The following GNAI1 variants were observed in gnomAD, a reference collection of about 807,000 sequenced individuals.
The protein encoded by GNAI1 is guanine nucleotide-binding protein G(i) subunit alpha-1.
GNAI1 carries 11 observed loss-of-function variants against 38.9 expected under a neutral mutation model. That is an observed-to-expected ratio of 0.28 (90% CI 0.18 to 0.47). The LOEUF is 0.47. Among genes scored for constraint, GNAI1 ranks in the 20% least tolerant of loss-of-function variants. GNAI1 has a pLI of 0.99. For missense variants in GNAI1, 317 were observed against 436.9 expected (o/e 0.73, Z 2.45); for synonymous variants, 166 against 145.1 (o/e 1.14, Z -1.04).
At chr7:80,179,246 T>C (rs781134159) in intron 1 of GNAI1, among the ~76,000 whole-genome samples, 2 of 152,220 alleles carry the variant, frequency 1.3e-5, no homozygotes, top group Non-Finnish European at 2.9e-5. Flanking sequence ...TTCTTCTTAG[T>C]GGCTCTCCAT....
intron 1 of GNAI1, among the ~76,000 whole-genome samples, chr7:80,153,189 C>T (rs1787758333): frequency 6.6e-6 from 1 of 152,060 alleles, no homozygotes; most frequent in Admixed American, 6.5e-5. Flanking sequence ...TCCAAGAGGG[C>T]AGTTAAATTA....
chr7:80,187,212 TGTG>T (rs1788402007), intron 1 of GNAI1: 1 of 127,960 alleles, frequency 7.8e-6, no homozygotes, highest in African/African-American at 4.4e-5. Flanking sequence ...TGTGTCTTTG[TGTG>T]TGTGTGTGTG....
chr7:80,156,042 C>CAAA (rs1182960135), intron 1 of GNAI1, among the ~76,000 whole-genome samples: 8,508 of 68,158 alleles, frequency 0.12, 447 homozygotes, highest in Non-Finnish European at 0.14. Flanking sequence ...GACTCTGTCT[C>CAAA]AAAAAAAAAA....
chr7:80,189,667 A>G (rs1788447042), intron 3 of GNAI1, among the ~76,000 whole-genome samples: 2 of 152,244 alleles, frequency 1.3e-5, no homozygotes, highest in Admixed American at 6.5e-5. Context: ...TGAAAACAGT[A>G]TAAAAGTTTG....
chr7:80,170,625 G>T (rs1028353007), intron 1 of GNAI1, among the ~76,000 whole-genome samples: 3 of 152,182 alleles, frequency 2.0e-5, no homozygotes, highest in African/African-American at 7.2e-5. Flanking sequence ...GGGGAAGCAG[G>T]TATGTCTTGC....
chr7:80,179,038 A>G (rs2115594011), intron 1 of GNAI1, among the ~76,000 whole-genome samples: 1 of 152,364 alleles, frequency 6.6e-6, no homozygotes, highest in East Asian at 1.9e-4. Context: ...AGGAATAGAT[A>G]TGAGAATCCA....
Position 80,200,324 on chromosome 7 carries a change from CAAAAAAA to C in GNAI1, c.461+959_461+965del, listed in dbSNP as rs59511755. Among the ~76,000 whole-genome samples the C allele has an allele frequency of 8.2e-4, 33 of 40,370 alleles. 1 individual carries two copies. The highest frequency in any genetic ancestry group is 4.8e-3 in the African/African-American group (29 of 6,040). 26.5% of individuals were successfully genotyped at this position (40,370 alleles called of 152,430 possible). A position where few individuals can be genotyped will look rare whatever the true frequency, so the allele number is the denominator to read the frequency against. ...CTGGAGATGGAGTGAGGCCATGTCT[CAAAAAAA>C]AAAAAAAAAAAAAAAACCTAATCAG... On this transcript the variant is annotated intron_variant, in intron 4 of 7. Coordinates refer to ENST00000649796, the MANE Select transcript of GNAI1 (RefSeq NM_002069.6).
rs144982336 is a variant in GNAI1, at chr7:80,201,072, C to T, written c.461+1690C>T. Among the ~76,000 whole-genome samples, 9 of 152,248 alleles carry T rather than the reference C, an allele frequency of 5.9e-5. No individual in the cohort carries two copies. The East Asian group carries it at 1.5e-3, about 26-fold the overall frequency. The stretch of plus-strand genomic sequence containing the variant: ...TTACCTAATATTGTATTCCCATAGC[C>T]TGACACAGTCATCACCCAATATGAT... On this transcript the variant is annotated intron_variant, in intron 4 of 7. Transcript: ENST00000649796.
In GNAI1 at chr7:80,185,703, G is replaced by A. The variant is rs138109301; in HGVS notation, c.119-3248G>A. 5.0e-3 allele frequency among the ~76,000 whole-genome samples: 758 copies of A among 152,246 alleles called. 3 individuals carry two copies. The highest frequency in any genetic ancestry group is 7.2e-3 in the Non-Finnish European group (489 of 68,020). The stretch of plus-strand genomic sequence containing the variant: ...TGACTTGGCATGCACATCAGGCAAC[G>A]ATGTGCAGCGTTACACTCCCAGCCT... On this transcript the variant is annotated intron_variant, in intron 1 of 7. Transcript: ENST00000649796.
chr7:80,199,990 C>A (rs187298356), intron 4 of GNAI1, among the ~76,000 whole-genome samples: 112 of 152,042 alleles, frequency 7.4e-4, no homozygotes, highest in African/African-American at 2.6e-3. Context: ...GTGGTGGCCC[C>A]AGAAAGTTTG....
At position 80,186,023 on chromosome 7, in the gene GNAI1, C is replaced by CTTT. The variant is rs533371119; in HGVS notation, c.119-2903_119-2901dup. Among the ~76,000 whole-genome samples, 50 of 103,494 alleles carry CTTT rather than the reference C, an allele frequency of 4.8e-4. 6 individuals carry two copies. The highest frequency in any genetic ancestry group is 1.4e-3 in the East Asian group (5 of 3,550). 67.9% of individuals were successfully genotyped at this position (103,494 alleles called of 152,430 possible). A position where few individuals can be genotyped will look rare whatever the true frequency, so the allele number is the denominator to read the frequency against. On this transcript the variant is annotated intron_variant, in intron 1 of 7. Transcript: ENST00000649796. The stretch of plus-strand genomic sequence containing the variant: ...AGTTAATAAGACTGCCATCCGCACT[C>CTTT]TTTTTTTTTTTTTTTTTTTTTTTTT...
At chr7:80,202,744 T>C (rs1788711097) in intron 4 of GNAI1, among the ~76,000 whole-genome samples, 1 of 152,228 alleles carries the variant, frequency 6.6e-6, no homozygotes, top group African/African-American at 2.4e-5. Context: ...ATAAAAACAC[T>C]GCGGTGATGG....
At position 80,217,455 on chromosome 7, in the gene GNAI1, A is replaced by G. The variant is rs771135868; in HGVS notation, c.1027A>G (p.Ile343Val). 4 of 1,603,112 alleles carry G rather than the reference A, an allele frequency of 2.5e-6. No homozygotes were observed. Among genetic ancestry groups the G allele is most frequent in the Non-Finnish European group, 8.5e-7 (1 of 1,176,398 alleles). ...TGTTTTTGATGCTGTAACAGATGTC[A>G]TCATAAAAAATAATCTAAAAGATTG... is the stretch of plus-strand genomic sequence containing the variant. ...QFVFDAVTDV[I>V]IKNNLKDCGL... The change falls in exon 8 of 8, where the codon ATC becomes GTC. Residue 343 changes from isoleucine to valine, a missense_variant. Coordinates refer to ENST00000649796, the MANE Select transcript of GNAI1 (RefSeq NM_002069.6).
chr7:80,204,620 C>T (rs997541743), intron 5 of GNAI1, among the ~76,000 whole-genome samples: 2 of 152,250 alleles, frequency 1.3e-5, no homozygotes, highest in Non-Finnish European at 2.9e-5. Flanking sequence ...ATACAGCCTT[C>T]CTGGTCAGTT....
At chr7:80,135,708 T>G in intron 1 of GNAI1, 2 of 484,816 alleles carry the variant, frequency 4.1e-6, no homozygotes, top group Non-Finnish European at 5.1e-6. Flanking sequence ...GCGGTGTAGG[T>G]TGTGTTTCGA....
intron 1 of GNAI1, among the ~76,000 whole-genome samples, chr7:80,141,384 T>A (rs949690339): frequency 6.6e-5 from 10 of 152,194 alleles, no homozygotes; most frequent in Non-Finnish European, 1.5e-4. Context: ...AATTCCTGTC[T>A]GTTTGTGGAC....
rs189117741 is a variant in GNAI1 at position 80,142,331 on chromosome 7, G to A, written c.118+7053G>A. ...TGTGACTATCATGGTAACACTAAAAGCACCAGTTTCTTACATGTCATATTG... is the reference window on the plus strand; with the variant it reads ...TGTGACTATCATGGTAACACTAAAAACACCAGTTTCTTACATGTCATATTG... On this transcript the variant is annotated intron_variant, in intron 1 of 7. Transcript: ENST00000649796. Among the ~76,000 whole-genome samples the A allele has an allele frequency of 2.0e-5, 3 of 152,280 alleles. No individual in the cohort carries two copies. The East Asian group carries it at 5.8e-4, about 29-fold the overall frequency.
intron 1 of GNAI1, among the ~76,000 whole-genome samples, chr7:80,142,712 G>T (rs1441533807): frequency 2.0e-5 from 3 of 152,140 alleles, no homozygotes; most frequent in Non-Finnish European, 2.9e-5. Flanking sequence ...TGGGTATTTT[G>T]AGTGAATTTT....
intron 1 of GNAI1, among the ~76,000 whole-genome samples, chr7:80,148,281 G>T (rs1029588327): frequency 6.6e-6 from 1 of 152,094 alleles, no homozygotes; most frequent in Non-Finnish European, 1.5e-5. Context: ...TCTCTGGAAG[G>T]TTGTCAACTG....
Sources: allele counts gnomAD v4.1 joint callset (sites outside exome capture counted in the v4.1 genomes callset), GRCh38; gene constraint gnomAD v4.1.1; transcripts MANE v1.5; gene names NCBI Gene and HGNC (gene_info 2026-07-23, HGNC 2026-07-21).